The following NTRK3 variants were observed in gnomAD, a reference collection of about 807,000 sequenced individuals.
NTRK3 encodes the protein NT-3 growth factor receptor.
Under a neutral mutation model 91.7 loss-of-function variants are expected in NTRK3, and 24 were observed. That is an observed-to-expected ratio of 0.26 (90% CI 0.19 to 0.37). The LOEUF (loss-of-function observed/expected upper bound fraction) is 0.37. Ranked by LOEUF, NTRK3 falls within the 10% of genes least tolerant of loss-of-function variation. The pLI is 1.00. For missense variants in NTRK3, 880 were observed against 1,068.9 expected, an observed-to-expected ratio of 0.82 and a Z score of 2.46; for synonymous variants, 483 against 404.0, an observed-to-expected ratio of 1.20 and a Z score of -2.34.
At chr15:88,210,102 T>C (rs1567652660) in intron 3 of NTRK3, 1 of 152,320 alleles carries the variant, frequency 6.6e-6, no homozygotes, top group East Asian at 1.9e-4. Flanking sequence ...ATAACAAATA[T>C]TATCAATTTC....
chr15:87,865,001 T>C (rs1265411641), exon 19 of NTRK3: 1 of 215,494 alleles, frequency 4.6e-6, no homozygotes, highest in Non-Finnish European at 9.4e-6. Context: ...GGTGTTGCTT[T>C]TCTACACAAG....
chr15:88,256,517 G>A (rs1457200286), intron 1 of NTRK3, 31 bp from the exon 2 acceptor site: 42 of 481,870 alleles, frequency 8.7e-5, no homozygotes, highest in Non-Finnish European at 1.3e-4. Context: ...CGGTGGGGAG[G>A]CAAAAAAAAA....
chr15:87,915,081 G>A (rs1417174945), intron 17 of NTRK3, among the ~76,000 whole-genome samples: 6 of 151,996 alleles, frequency 3.9e-5, no homozygotes, highest in Non-Finnish European at 5.9e-5. Flanking sequence ...GATGGTGTTG[G>A]TGATGATGCT....
intron 5 of NTRK3, among the ~76,000 whole-genome samples, chr15:88,177,861 T>C (rs2046139437): frequency 6.6e-6 from 1 of 152,240 alleles, no homozygotes; most frequent in African/African-American, 2.4e-5. Flanking sequence ...CATAGTACAT[T>C]GTCTTAAGCA....
At chr15:87,939,642 G>A (rs1246612691) in intron 15 of NTRK3, among the ~76,000 whole-genome samples, 1 of 152,124 alleles carries the variant, frequency 6.6e-6, no homozygotes, top group Admixed American at 6.5e-5. Context: ...TGAGGTCTGG[G>A]TGAATGTCTT....
At chr15:88,034,644 A>T (rs1451476187) in intron 13 of NTRK3, among the ~76,000 whole-genome samples, 3 of 152,218 alleles carry the variant, frequency 2.0e-5, no homozygotes, top group African/African-American at 7.2e-5. Context: ...ACTGAAGTTT[A>T]TGGAGAGAAT....
chr15:88,026,185 G>A (rs538223673), intron 14 of NTRK3, among the ~76,000 whole-genome samples: 2 of 152,050 alleles, frequency 1.3e-5, no homozygotes, highest in South Asian at 2.1e-4. Flanking sequence ...GCAGGAGAAC[G>A]GTGTGAACCC....
chr15:87,989,268 G>A (rs1285877408), intron 14 of NTRK3, among the ~76,000 whole-genome samples: 4 of 152,166 alleles, frequency 2.6e-5, no homozygotes, highest in Admixed American at 2.6e-4. Context: ...GTCCATCAAT[G>A]ATAGACTGGA....
At chr15:87,945,987 A>T (rs2070453871) in intron 14 of NTRK3, among the ~76,000 whole-genome samples, 1 of 152,158 alleles carries the variant, frequency 6.6e-6, no homozygotes, top group African/African-American at 2.4e-5. Flanking sequence ...GATGATATAA[A>T]ATATCTAAAA....
At chr15:88,066,918 C>T (rs2046697837) in intron 13 of NTRK3, among the ~76,000 whole-genome samples, 1 of 152,200 alleles carries the variant, frequency 6.6e-6, no homozygotes, top group South Asian at 2.1e-4. Flanking sequence ...CCTTACTCCT[C>T]TTTCCAAGTA....
chr15:87,866,148 T>C (rs191651033), exon 19 of NTRK3: 6 of 225,910 alleles, frequency 2.7e-5, no homozygotes, highest in Admixed American at 5.7e-5. Flanking sequence ...GTTAAGAAAC[T>C]GAGGTAAAGG....
chr15:88,084,158 G>A (rs2048301801), intron 13 of NTRK3, among the ~76,000 whole-genome samples: 1 of 150,268 alleles, frequency 6.7e-6, no homozygotes. Context: ...ACTGTGCCAA[G>A]AGAAAAGGAA....
intron 14 of NTRK3, among the ~76,000 whole-genome samples, chr15:88,023,271 C>T (rs1412282618): frequency 6.6e-6 from 1 of 152,150 alleles, no homozygotes; most frequent in Non-Finnish European, 1.5e-5. Context: ...ACATCCAGCT[C>T]TTTCTACAAA....
intron 14 of NTRK3, chr15:87,981,166 CA>C: frequency 6.4e-7 from 1 of 1,551,288 alleles, no homozygotes; most frequent in Non-Finnish European, 8.7e-7. Context: ...TCTTAAGAAC[CA>C]AAATTGGTTA....
intron 14 of NTRK3, among the ~76,000 whole-genome samples, chr15:87,942,264 C>G: frequency 6.6e-6 from 1 of 152,206 alleles, no homozygotes; most frequent in East Asian, 1.9e-4. Context: ...TGCTGACGAC[C>G]GCTCCTCCCA....
chr15:88,016,406 A>G, intron 14 of NTRK3, among the ~76,000 whole-genome samples: 1 of 152,222 alleles, frequency 6.6e-6, no homozygotes, highest in East Asian at 1.9e-4. Flanking sequence ...TACATCATGA[A>G]TTGTTCCTAA....
At chr15:87,954,388 A>G (rs1462801441) in intron 14 of NTRK3, among the ~76,000 whole-genome samples, 3 of 152,234 alleles carry the variant, frequency 2.0e-5, no homozygotes, top group African/African-American at 7.2e-5. Context: ...CCAGACAGCT[A>G]TACCTCCTGC....
At chr15:88,173,031 CT>C (rs1304791868) in intron 5 of NTRK3, among the ~76,000 whole-genome samples, 1 of 152,138 alleles carries the variant, frequency 6.6e-6, no homozygotes, top group African/African-American at 2.4e-5. Flanking sequence ...AAATCTGAAG[CT>C]TGGTGAATTC....
exon 19 of NTRK3, chr15:87,868,216 T>A (rs1567049755): frequency 4.3e-6 from 1 of 230,080 alleles, no homozygotes; most frequent in African/African-American, 2.2e-5. Context: ...CATAAATAAT[T>A]AAAAACGTGA....
Sources: allele counts gnomAD v4.1 joint callset (sites outside exome capture counted in the v4.1 genomes callset), GRCh38; gene constraint gnomAD v4.1.1; transcripts MANE v1.5; gene names NCBI Gene and HGNC (gene_info 2026-07-23, HGNC 2026-07-21).